Variants in LAMA1 observed in about 807,000 individuals in gnomAD.
LAMA1 encodes the protein laminin subunit alpha 1, also known as laminin subunit alpha-1.
Under a neutral mutation model 348.7 loss-of-function variants are expected in LAMA1, and 219 were observed. The observed-to-expected ratio is 0.63, with a 90% CI of 0.56 to 0.70. LAMA1 has a LOEUF of 0.70. Ranked by LOEUF, LAMA1 falls within the 30% of genes least tolerant of loss-of-function variation. The probability of loss-of-function intolerance (pLI) is 0.00; values close to 1 mark genes in which losing one functional copy is unlikely to be tolerated. For synonymous variants in LAMA1, 1,487 were observed against 1,491.0 expected, an observed-to-expected ratio of 1.00 and a Z score of 0.06; for missense variants, 3,744 against 3,888.0, an observed-to-expected ratio of 0.96 and a Z score of 0.99.
intron 3 of LAMA1, among the ~76,000 whole-genome samples, chr18:7,055,053 G>C (rs2058076022): frequency 6.6e-6 from 1 of 151,862 alleles, no homozygotes; most frequent in African/African-American, 2.4e-5. Flanking sequence ...TGTTATTCAT[G>C]GATTTTTTGA....
Position 7,012,117 on chromosome 18 carries a change from A to G in LAMA1, c.3385T>C (p.Cys1129Arg). 1 of 1,614,024 alleles carries G rather than the reference A, an allele frequency of 6.2e-7. No individual in the cohort carries two copies. The highest frequency in any genetic ancestry group is 8.5e-7 in the Non-Finnish European group (1 of 1,179,954). ...AAGGTGCCCTCTCGACATTCGTTGC[A>G]CTGAGGACCAAAGACATTTTCCTAC... ...PCKENVFGPQ[C>R]NECREGTFAL... Residue 1129 changes from cysteine to arginine, a missense_variant, in exon 24 of 63, where the codon TGC becomes CGC. This residue lies in a region of LAMA1 where 1,529 missense variants were observed against 1,689.4 expected (regional missense o/e 0.91). Transcript: ENST00000389658.
chr18:6,952,585 C>T (rs1039154345), intron 57 of LAMA1, among the ~76,000 whole-genome samples: 1 of 152,214 alleles, frequency 6.6e-6, no homozygotes, highest in Admixed American at 6.5e-5. Flanking sequence ...TTTGAGGTTT[C>T]AGTTACCTGC....
rs2057862651 is a variant in LAMA1 at position 7,012,002 on chromosome 18, CT to C, written c.3499del (p.Arg1167GlyfsTer4). The C allele has an allele frequency of 6.2e-7, 1 of 1,605,296 alleles. No homozygotes were observed. Among genetic ancestry groups the C allele is most frequent in the African/African-American group, 1.3e-5 (1 of 74,782 alleles). ...TCGCTGTGTGTGACTTACTGGGGTC[CT>C]CACGTAGTCCTCCAGCTCTGAGCAG... ...HLCSELEDYV[R>X]TPVTLGSDQP... On this transcript the variant is annotated frameshift_variant, in exon 24 of 63. Transcript: ENST00000389658. LOFTEE classifies it high-confidence loss of function.
chr18:7,061,654 C>T (rs1161953129), intron 3 of LAMA1, among the ~76,000 whole-genome samples: 4 of 152,194 alleles, frequency 2.6e-5, no homozygotes, highest in Admixed American at 2.6e-4. Context: ...TGAATGGCAT[C>T]CCTTCCTTCC....
intron 3 of LAMA1, among the ~76,000 whole-genome samples, chr18:7,062,647 TA>T (rs1036257648): frequency 6.6e-5 from 10 of 152,180 alleles, no homozygotes; most frequent in East Asian, 5.8e-4. Flanking sequence ...CAGGGTTTTC[TA>T]AAAGGCCAAA....
intron 3 of LAMA1, 147 bp downstream of exon 3, chr18:7,079,828 T>C: frequency 2.9e-6 from 2 of 689,328 alleles, no homozygotes; most frequent in Non-Finnish European, 5.3e-6. Context: ...AGGGACTCCT[T>C]CTGTATACCA....
intron 1 of LAMA1, among the ~76,000 whole-genome samples, chr18:7,096,140 C>T (rs575637706): frequency 6.6e-6 from 1 of 152,354 alleles, no homozygotes; most frequent in East Asian, 1.9e-4. Flanking sequence ...GGTTAAGCAG[C>T]TAGTATTAAA....
chr18:7,114,919 T>C (rs1404408538), intron 1 of LAMA1, among the ~76,000 whole-genome samples: 3 of 152,228 alleles, frequency 2.0e-5, no homozygotes, highest in Admixed American at 6.5e-5. Context: ...GATCAGTATA[T>C]GTATTTATTC....
chr18:7,049,148 G>A lies in LAMA1; in HGVS notation c.698C>T (p.Thr233Met), dbSNP rs1297300954. The A allele has an allele frequency of 5.6e-6, 9 of 1,614,006 alleles. No homozygotes were observed. Among genetic ancestry groups the A allele is most frequent in the South Asian group, 1.1e-5 (1 of 91,074 alleles). Residue 233 changes from threonine to methionine, a missense_variant, in exon 5 of 63, where the codon ACG becomes ATG. Coordinates refer to ENST00000389658, the MANE Select transcript of LAMA1 (RefSeq NM_005559.4). ...YIRLRLQRIR[T>M]LNADLMTLSH... ...AAGGGTCATGAGATCTGCATTGAGCGTTCTAATGCGTTGCAAGCGAAGGCG... is the reference window on the plus strand; with the variant it reads ...AAGGGTCATGAGATCTGCATTGAGCATTCTAATGCGTTGCAAGCGAAGGCG...
rs769964770 is a variant in LAMA1 at position 6,985,581 on chromosome 18, T to G, written c.5442A>C (p.Arg1814Ser). The G allele has an allele frequency of 6.2e-7, 1 of 1,614,162 alleles. No individual in the cohort carries two copies. The highest frequency in any genetic ancestry group is 8.5e-7 in the Non-Finnish European group (1 of 1,180,010). ...NLTSELIVQG[R>S]GLIDAAAAQT... The stretch of plus-strand genomic sequence containing the variant: ...GTGCAGCAGCAGCATCTATCAATCC[T>G]CTTCCTTGGACAATGAGCTCTGAGG... The change falls in exon 38 of 63, where the codon AGA becomes AGC. Residue 1814 changes from arginine (R) to serine (S), a missense_variant. By Grantham distance (110) the Arg-to-Ser change is moderately radical. Transcript: ENST00000389658.
intron 1 of LAMA1, 115 bp downstream of exon 1, chr18:7,117,545 G>A: frequency 2.7e-6 from 3 of 1,103,058 alleles, no homozygotes; most frequent in Admixed American, 2.2e-5. Context: ...ACTCCGAGGT[G>A]GATCAGGATG....
At chr18:7,016,779 A>G in intron 20 of LAMA1, 108 bp from the exon 21 acceptor site, 1 of 1,035,402 alleles carries the variant, frequency 9.7e-7, no homozygotes, top group Non-Finnish European at 1.4e-6. Flanking sequence ...AGAATCATAA[A>G]GTATTCATGA....
intron 33 of LAMA1, 49 bp downstream of exon 33, chr18:6,997,693 T>A (rs746005147): frequency 7.0e-6 from 11 of 1,582,604 alleles, no homozygotes; most frequent in Admixed American, 1.7e-5. Flanking sequence ...AATGACTATA[T>A]CCCTTAATGA....
chr18:7,014,776 T>A lies in LAMA1; in HGVS notation c.3127-725A>T, dbSNP rs115934294. On this transcript the variant is annotated intron_variant, in intron 22 of 62. Coordinates refer to ENST00000389658, the MANE Select transcript of LAMA1 (RefSeq NM_005559.4). ...AACCCCCAATAAAGTGATTTATTACTTTCTCTTGGAAGATAGTATACATTG... is the reference window on the plus strand; with the variant it reads ...AACCCCCAATAAAGTGATTTATTACATTCTCTTGGAAGATAGTATACATTG... Among the ~76,000 whole-genome samples, 1,136 of 152,354 alleles carry A rather than the reference T, an allele frequency of 7.5e-3. 19 individuals are homozygous for A. Among genetic ancestry groups the A allele is most frequent in the African/African-American group, 0.026 (1,084 of 41,580 alleles).
chr18:6,950,442 G>A (rs1382145037), intron 58 of LAMA1, among the ~76,000 whole-genome samples: 1 of 152,238 alleles, frequency 6.6e-6, no homozygotes, highest in Admixed American at 6.5e-5. Flanking sequence ...ACACCAGAAA[G>A]TGCTCCAGAG....
At chr18:6,984,321 T>C (rs1600371925) in intron 39 of LAMA1, among the ~76,000 whole-genome samples, 1 of 152,198 alleles carries the variant, frequency 6.6e-6, no homozygotes, top group Non-Finnish European at 1.5e-5. Context: ...CCACAGAACA[T>C]GCACAAGAAC....
Position 7,038,870 on chromosome 18 carries a change from G to C in LAMA1, c.1503C>G (p.Ser501=), listed in dbSNP as rs1395476665. ...NLKEKNPRGC[S]ECFCFGVSDV... is the part of the protein sequence containing the mutation. ...CAGAAACGCCAAAGCAGAAGCACTC[G>C]GAGCAGCCCCGGGGGTTTTTTTCCT... Residue 501 remains serine (S), a synonymous_variant, in exon 11 of 63, where the codon TCC becomes TCG. Transcript: ENST00000389658. 3 of 1,614,090 alleles carry C rather than the reference G, an allele frequency of 1.9e-6. No homozygotes were observed. In the African/African-American group the frequency reaches 4.0e-5, roughly 22 times the overall value.
At chr18:6,952,992 TA>T (rs2057555519) in intron 57 of LAMA1, among the ~76,000 whole-genome samples, 3 of 92,438 alleles carry the variant, frequency 3.2e-5, no homozygotes, top group African/African-American at 3.2e-5. Context: ...ATCCACGCCA[TA>T]GGAGCCATGT....
intron 60 of LAMA1, 128 bp downstream of exon 60, chr18:6,948,275 A>G (rs968714562): frequency 1.6e-6 from 2 of 1,238,660 alleles, no homozygotes; most frequent in Admixed American, 1.8e-5. Context: ...AATCAACTGG[A>G]ATACTAAACT....
Sources: allele counts gnomAD v4.1 joint callset (sites outside exome capture counted in the v4.1 genomes callset), GRCh38; gene constraint gnomAD v4.1.1; regional missense constraint gnomAD v4.1.1; transcripts MANE v1.5; gene names NCBI Gene and HGNC (gene_info 2026-07-23, HGNC 2026-07-21).